Variants in GALNT13 observed in about 807,000 individuals in gnomAD.
GALNT13 encodes the protein polypeptide N-acetylgalactosaminyltransferase 13.
A neutral mutation model predicts 64.2 loss-of-function variants in GALNT13; 28 were observed. The ratio of observed to expected loss-of-function variants is 0.44; its 90% confidence interval spans 0.32 to 0.60. The LOEUF (loss-of-function observed/expected upper bound fraction) is 0.60. Ranked by LOEUF, GALNT13 falls within the 20% of genes least tolerant of loss-of-function variation. The pLI, the probability that GALNT13 is intolerant of heterozygous loss-of-function variation, is 0.05. For synonymous variants in GALNT13, 214 were observed against 224.6 expected, an observed-to-expected ratio of 0.95 and a Z score of 0.42; for missense variants, 577 against 669.8, an observed-to-expected ratio of 0.86 and a Z score of 1.53.
At chr2:153,407,266 G>C in the GALNT13 span, among the ~76,000 whole-genome samples, 1 of 152,154 alleles carries the variant, frequency 6.6e-6, no homozygotes, top group Non-Finnish European at 1.5e-5. Context: ...AGTTACAGAT[G>C]ATTCTGATGA....
the GALNT13 span, among the ~76,000 whole-genome samples, chr2:153,505,194 T>C: frequency 6.6e-6 from 1 of 152,180 alleles, no homozygotes; most frequent in African/African-American, 2.4e-5. Flanking sequence ...CCTTGAATAA[T>C]ATTTTGTATT....
chr2:154,260,750 C>T (rs936950578), intron 8 of GALNT13, among the ~76,000 whole-genome samples: 1 of 152,066 alleles, frequency 6.6e-6, no homozygotes, highest in African/African-American at 2.4e-5. Flanking sequence ...TCAGTATATT[C>T]AGAAGTTTAG....
the GALNT13 span, among the ~76,000 whole-genome samples, chr2:153,437,860 C>T: frequency 1.3e-5 from 2 of 152,152 alleles, no homozygotes; most frequent in Non-Finnish European, 2.9e-5. Flanking sequence ...TGAATTTGAT[C>T]CTGTCATTAT....
At chr2:154,383,410 T>C (rs1698367157) in intron 9 of GALNT13, among the ~76,000 whole-genome samples, 1 of 151,982 alleles carries the variant, frequency 6.6e-6, no homozygotes. Flanking sequence ...AAAAAAATTA[T>C]ATGCCCTATG....
the GALNT13 span, among the ~76,000 whole-genome samples, chr2:153,677,542 A>T: frequency 6.6e-6 from 1 of 152,098 alleles, no homozygotes; most frequent in South Asian, 2.1e-4. Context: ...TCTTCACAGA[A>T]TTAGAAAAAA....
intron 1 of GALNT13, among the ~76,000 whole-genome samples, chr2:153,882,626 C>T (rs1434706283): frequency 6.6e-6 from 1 of 150,720 alleles, no homozygotes; most frequent in Non-Finnish European, 1.5e-5. Context: ...CCTTTATATT[C>T]TTTACTTTTT....
chr2:153,591,096 A>G, the GALNT13 span, among the ~76,000 whole-genome samples: 1 of 152,100 alleles, frequency 6.6e-6, no homozygotes, highest in East Asian at 1.9e-4. Context: ...AAACTCTTAG[A>G]TTTGATCACT....
chr2:153,653,744 C>A, the GALNT13 span, among the ~76,000 whole-genome samples: 2 of 152,014 alleles, frequency 1.3e-5, no homozygotes, highest in Non-Finnish European at 2.9e-5. Flanking sequence ...TAATTCATTA[C>A]TTTGTAAATA....
At chr2:153,934,360 A>G (rs1690749370) in intron 2 of GALNT13, among the ~76,000 whole-genome samples, 3 of 152,216 alleles carry the variant, frequency 2.0e-5, no homozygotes, top group African/African-American at 7.2e-5. Context: ...AGACAGACAC[A>G]CATACATATT....
At chr2:153,376,571 T>A in the GALNT13 span, among the ~76,000 whole-genome samples, 1 of 152,138 alleles carries the variant, frequency 6.6e-6, no homozygotes, top group Non-Finnish European at 1.5e-5. Context: ...GTTGAACACA[T>A]ACAAACAGGG....
At chr2:154,281,975 T>C (rs527829209) in intron 8 of GALNT13, among the ~76,000 whole-genome samples, 1 of 152,270 alleles carries the variant, frequency 6.6e-6, no homozygotes, top group East Asian at 1.9e-4. Flanking sequence ...AAAAGGATCA[T>C]TTTGAATTTG....
chr2:153,695,955 C>A, the GALNT13 span, among the ~76,000 whole-genome samples: 1 of 152,062 alleles, frequency 6.6e-6, no homozygotes, highest in Admixed American at 6.5e-5. Context: ...AGTATTGAAT[C>A]CTCTACCTAC....
At chr2:153,097,737 T>G in the GALNT13 span, among the ~76,000 whole-genome samples, 1 of 152,166 alleles carries the variant, frequency 6.6e-6, no homozygotes, top group Non-Finnish European at 1.5e-5. Context: ...ATTTTTGGTA[T>G]TTGTGCTCTC....
intron 4 of GALNT13, among the ~76,000 whole-genome samples, chr2:154,240,773 T>G (rs1265616327): frequency 6.6e-6 from 1 of 152,218 alleles, no homozygotes; most frequent in African/African-American, 2.4e-5. Context: ...GAGGACTTTC[T>G]GTATCCGGGG....
Position 153,986,556 on chromosome 2 carries a change from G to A in GALNT13, c.142+41917G>A, listed in dbSNP as rs2105174799. 1.3e-5 allele frequency among the ~76,000 whole-genome samples: 2 copies of A among 152,032 alleles called. 1 individual carries two copies. Among genetic ancestry groups the A allele is most frequent in the South Asian group, 4.1e-4 (2 of 4,830 alleles). Reference sequence around the variant, plus strand: ...AATTTATGGACTTCACAATTGTAAAGTTGCTTTGAGTAGTTATTTTTTAAT... The same window carrying A: ...AATTTATGGACTTCACAATTGTAAAATTGCTTTGAGTAGTTATTTTTTAAT... On this transcript the variant is annotated intron_variant, in intron 3 of 12. Coordinates refer to ENST00000392825, the MANE Select transcript of GALNT13 (RefSeq NM_052917.4).
At chr2:153,556,472 A>G in the GALNT13 span, among the ~76,000 whole-genome samples, 1 of 152,244 alleles carries the variant, frequency 6.6e-6, no homozygotes, top group African/African-American at 2.4e-5. Context: ...TTGACGATAT[A>G]ATACTTTAGA....
upstream of GALNT13, among the ~76,000 whole-genome samples, chr2:153,871,430 C>G (rs1004851315): frequency 6.6e-6 from 1 of 152,144 alleles, no homozygotes; most frequent in African/African-American, 2.4e-5. Flanking sequence ...CGTCAAGTAC[C>G]CCGCAGCATC....
At chr2:154,254,262 G>A (rs1016266102) in intron 7 of GALNT13, among the ~76,000 whole-genome samples, 10 of 152,338 alleles carry the variant, frequency 6.6e-5, no homozygotes, top group African/African-American at 2.2e-4. Flanking sequence ...AGGGGGTTGA[G>A]AGGAGCTCGT....
chr2:153,311,849 G>T, the GALNT13 span, among the ~76,000 whole-genome samples: 1 of 152,194 alleles, frequency 6.6e-6, no homozygotes, highest in Admixed American at 6.5e-5. Flanking sequence ...CTGCAGGCAG[G>T]GGGACCATGT....
Sources: gnomAD v4.1 joint callset for allele counts (sites outside exome capture counted in the v4.1 genomes callset) on GRCh38, gnomAD v4.1.1 for gene constraint, MANE v1.5 for transcripts, NCBI Gene and HGNC (gene_info 2026-07-23, HGNC 2026-07-21) for gene names.